The following TNRC6A variants were observed in gnomAD, a reference collection of about 807,000 sequenced individuals.
The protein encoded by TNRC6A is trinucleotide repeat containing adaptor 6A.
Under a neutral mutation model 221.2 loss-of-function variants are expected in TNRC6A, and 44 were observed. The observed-to-expected ratio is 0.20, with a 90% confidence interval of 0.16 to 0.26. TNRC6A has a LOEUF of 0.26. Among genes scored for constraint, TNRC6A ranks in the 10% least tolerant of loss-of-function variants. The pLI is 1.00. For missense variants in TNRC6A, 2,199 were observed against 2,404.4 expected (o/e 0.91, Z 1.79); for synonymous variants, 847 against 838.5 (o/e 1.01, Z -0.18).
chr16:24,771,582 T>TTATGTTATGTTGTGATGTTA, intron 4 of TNRC6A, among the ~76,000 whole-genome samples: 975 of 95,428 alleles, frequency 0.01, 15 homozygotes, highest in Admixed American at 0.026. Flanking sequence ...TTATGTTATG[T>TTATGTTATGTTGTGATGTTA]TGTTATGTTA....
Position 24,673,981 on chromosome 16 carries a change from G to A in TNRC6A, n.402+32972G>A, listed in dbSNP as rs1236440069. Among the ~76,000 whole-genome samples the A allele has an allele frequency of 2.0e-5, 3 of 152,220 alleles. No homozygotes were observed. In the East Asian group the frequency reaches 5.8e-4, roughly 29 times the overall value. On this transcript the variant is annotated intron_variant and non_coding_transcript_variant, in intron 2 of 2. Transcript: ENST00000566108. ...CACGTCAGGTAACATTCTCAGAAGA[G>A]CTTGGCATCAGATACCATCCAAAAC...
In TNRC6A at chr16:24,777,129, G is replaced by A. The variant is rs2057742293; in HGVS notation, c.360G>A (p.Gln120=). 1 of 1,612,088 alleles carries A rather than the reference G, an allele frequency of 6.2e-7. No individual in the cohort carries two copies. Among genetic ancestry groups the A allele is most frequent in the Non-Finnish European group, 8.5e-7 (1 of 1,179,258 alleles). The change falls in exon 5 of 25, where the codon CAG becomes CAA. Residue 120 remains glutamine (Q), a synonymous_variant. Transcript: ENST00000395799. ...AGCCACAGCCGCAGCCGCAGCAGCA[G>A]CAGCCACAGCAGCAGCCACAGGCCT... is the stretch of plus-strand genomic sequence containing the variant. The part of the protein sequence containing the change: ...QQQPQPQPQQ[Q]QPQQQPQALP...
intron 2 of TNRC6A, among the ~76,000 whole-genome samples, chr16:24,676,851 G>C (rs2055429401): frequency 6.6e-6 from 1 of 152,094 alleles, no homozygotes; most frequent in Non-Finnish European, 1.5e-5. Context: ...CTCTCTGAGT[G>C]CTCTTTCACC....
Position 24,818,695 on chromosome 16 carries a change from C to T in TNRC6A, c.5075C>T (p.Thr1692Ile). The T allele has an allele frequency of 6.2e-7, 1 of 1,613,894 alleles. No individual in the cohort carries two copies. The highest frequency in any genetic ancestry group is 1.3e-5 in the African/African-American group (1 of 75,026). Reference sequence around the variant, plus strand: ...CCCCTCAGCAGTACAGCACAAAGCACTTCAGGTGGGCCTCGCCTTCGCTCA... The same window carrying T: ...CCCCTCAGCAGTACAGCACAAAGCATTTCAGGTGGGCCTCGCCTTCGCTCA... ...NVPLSSTAQS[T>I]SARNSDSKLT... Residue 1692 changes from threonine (T) to isoleucine (I), a missense_variant, in exon 21 of 25, where the codon ACT (threonine) becomes ATT (isoleucine). By Grantham distance (89) the Thr-to-Ile change is moderately conservative. Coordinates refer to ENST00000395799, the MANE Select transcript of TNRC6A (RefSeq NM_014494.4).
intron 2 of TNRC6A, among the ~76,000 whole-genome samples, chr16:24,713,351 G>A (rs1028147526): frequency 6.6e-6 from 1 of 152,086 alleles, no homozygotes; most frequent in Non-Finnish European, 1.5e-5. Context: ...CTGGGAGGCA[G>A]AGGTTGCAGT....
chr16:24,666,168 T>A (rs149831959), intron 2 of TNRC6A, among the ~76,000 whole-genome samples: 3,207 of 151,972 alleles, frequency 0.021, 113 homozygotes, highest in African/African-American at 0.072. Flanking sequence ...CTCTACAAAA[T>A]TTTAAAAATT....
In TNRC6A at chr16:24,733,037, T is replaced by G. The variant is rs569234656; in HGVS notation, c.53+2737T>G. On this transcript the variant is annotated intron_variant, in intron 2 of 24. Coordinates refer to ENST00000395799, the MANE Select transcript of TNRC6A (RefSeq NM_014494.4). The stretch of plus-strand genomic sequence containing the variant: ...TTCGAGACCAGCCTGGCCAACATAG[T>G]GAAACCTCATTTTTACTAAAAATAC... 5.3e-5 allele frequency among the ~76,000 whole-genome samples: 8 copies of G among 152,252 alleles called. No individual in the cohort carries two copies. In the East Asian group the frequency reaches 1.5e-3, roughly 29 times the overall value.
At chr16:24,776,384 T>G (rs1378829464) in intron 4 of TNRC6A, 1 of 985,332 alleles carries the variant, frequency 1.0e-6, no homozygotes, top group East Asian at 1.1e-4. Context: ...ATGATTCAGA[T>G]ATTACATTTT....
At chr16:24,734,800 CATGTACTAA>C (rs2056726374) in intron 2 of TNRC6A, among the ~76,000 whole-genome samples, 1 of 152,166 alleles carries the variant, frequency 6.6e-6, no homozygotes, top group African/African-American at 2.4e-5. Flanking sequence ...ACTTTACTAT[CATGTACTAA>C]ATGTGTTTTG....
At chr16:24,773,705 T>C (rs1190308364) in intron 4 of TNRC6A, among the ~76,000 whole-genome samples, 1 of 152,228 alleles carries the variant, frequency 6.6e-6, no homozygotes, top group Non-Finnish European at 1.5e-5. Context: ...CATATGAAAG[T>C]GCTTAATTGC....
chr16:24,773,728 AGTT>A (rs948483558), intron 4 of TNRC6A, among the ~76,000 whole-genome samples: 12 of 151,886 alleles, frequency 7.9e-5, no homozygotes, highest in East Asian at 5.8e-4. Flanking sequence ...ATATCTTTTT[AGTT>A]GTTTTTTTTA....
chr16:24,787,585 C>G (rs992126994), intron 5 of TNRC6A, among the ~76,000 whole-genome samples: 1 of 152,202 alleles, frequency 6.6e-6, no homozygotes, highest in Non-Finnish European at 1.5e-5. Flanking sequence ...ATGAGAAATT[C>G]TCCTTATGGG....
rs760010669 is a variant in TNRC6A at position 24,791,471 on chromosome 16, T to C, written c.2829T>C (p.Ser943=). 2.0e-6 allele frequency: 3 copies of C among 1,532,012 alleles called. No homozygotes were observed. The Admixed American group carries it at 6.5e-5, about 33-fold the overall frequency. 94.9% of individuals were successfully genotyped at this position (1,532,012 alleles called of 1,614,324 possible). The part of the protein sequence containing the change: ...GWGDSSKPVS[S]PDWNKQQDIV... ...GAGATTCGTCAAAGCCAGTCAGCTC[T>C]CCAGACTGGAACAAGCAACAAGACA... is the stretch of plus-strand genomic sequence containing the variant. Residue 943 remains serine (S), a synonymous_variant, in exon 6 of 25, where the codon TCT becomes TCC. Transcript: ENST00000395799.
At chr16:24,690,103 G>T (rs1466790406) in intron 2 of TNRC6A, among the ~76,000 whole-genome samples, 2 of 149,524 alleles carry the variant, frequency 1.3e-5, no homozygotes, top group Non-Finnish European at 3.0e-5. Flanking sequence ...TCAAACTCCT[G>T]GGCTCAAACA....
At chr16:24,619,028 C>T (rs185709496) in intron 1 of TNRC6A, among the ~76,000 whole-genome samples, 2 of 152,166 alleles carry the variant, frequency 1.3e-5, no homozygotes, top group Non-Finnish European at 2.9e-5. Context: ...GCTTAAAATG[C>T]ATACCACTGA....
At position 24,729,701 on chromosome 16, in the gene TNRC6A, G is replaced by C; in HGVS notation, c.-141G>C. On this transcript the variant is annotated 5_prime_UTR_variant, in exon 1 of 25. Coordinates refer to ENST00000395799, the MANE Select transcript of TNRC6A (RefSeq NM_014494.4). ...CGGCGGTGTCGGCGGCGGCGGCGGC[G>C]GCGGCGGCGGCGGCGGCAGCGGGTC... 3 of 1,017,222 alleles carry C rather than the reference G, an allele frequency of 2.9e-6. No homozygotes were observed. The highest frequency in any genetic ancestry group is 3.8e-6 in the Non-Finnish European group (3 of 780,220). 63.0% of individuals were successfully genotyped at this position (1,017,222 alleles called of 1,614,324 possible).
At position 24,664,769 on chromosome 16, in the gene TNRC6A, TCACACACACACA is replaced by T. The variant is rs149786252; in HGVS notation, n.402+23793_402+23804del. ...AGGGTGCCTTGCAGTAATCCCCAAA[TCACACACACACA>T]CACACACACACACACACACACACAC... On this transcript the variant is annotated intron_variant and non_coding_transcript_variant, in intron 2 of 2. Coordinates refer to the TNRC6A transcript ENST00000566108. The T allele has an allele frequency of 1.9e-3, 567 of 301,640 alleles. 4 individuals are homozygous for T. The highest frequency in any genetic ancestry group is 0.011 in the African/African-American group (444 of 40,362). 18.7% of individuals were successfully genotyped at this position (301,640 alleles called of 1,614,324 possible).
intron 8 of TNRC6A, 80 bp from the exon 9 acceptor site, chr16:24,795,827 T>C: frequency 1.4e-6 from 2 of 1,387,524 alleles, no homozygotes; most frequent in Non-Finnish European, 1.9e-6. Context: ...AGTAAGGACT[T>C]AAGTTTAGGT....
intron 11 of TNRC6A, among the ~76,000 whole-genome samples, chr16:24,801,758 A>C (rs567000925): frequency 4.6e-5 from 7 of 152,316 alleles, no homozygotes; most frequent in South Asian, 4.1e-4. Context: ...TACAAGTGTT[A>C]GCCACCGTGC....
Sources: gnomAD v4.1 joint callset for allele counts (sites outside exome capture counted in the v4.1 genomes callset) on GRCh38, gnomAD v4.1.1 for gene constraint, MANE v1.5 for transcripts, NCBI Gene and HGNC (gene_info 2026-07-23, HGNC 2026-07-21) for gene names.